SGCZ: variants seen among roughly 807,000 people sequenced by gnomAD.
The protein encoded by SGCZ is zeta-sarcoglycan.
A neutral mutation model predicts 41.3 loss-of-function variants in SGCZ; 40 were observed. That is an observed-to-expected ratio of 0.97 (90% CI 0.75 to 1.26). The LOEUF (loss-of-function observed/expected upper bound fraction) is 1.26, where lower values mean the gene tolerates loss of function less well. Among genes scored for constraint, SGCZ ranks in the 50% most tolerant of loss-of-function variants. The pLI is 0.00. For synonymous variants in SGCZ, 206 were observed against 137.5 expected (o/e 1.50, Z -3.49); for missense variants, 552 against 369.8 (o/e 1.49, Z -4.04).
At chr8:14,363,626 G>T (rs1225007089) in intron 2 of SGCZ, among the ~76,000 whole-genome samples, 1 of 151,916 alleles carries the variant, frequency 6.6e-6, no homozygotes, top group African/African-American at 2.4e-5. Context: ...TATAACAACT[G>T]GCTAAGAAAA....
chr8:14,591,833 G>T (rs1049944382), intron 1 of SGCZ, among the ~76,000 whole-genome samples: 2 of 152,068 alleles, frequency 1.3e-5, no homozygotes, highest in African/African-American at 4.8e-5. Context: ...TTCTGATAGT[G>T]CAATTTGCTT....
intron 2 of SGCZ, among the ~76,000 whole-genome samples, chr8:14,337,196 C>CA (rs774996328): frequency 2.0e-5 from 3 of 152,078 alleles, no homozygotes; most frequent in African/African-American, 7.2e-5. Context: ...AAGCCTTCCA[C>CA]AAAAAAGTCT....
chr8:14,318,667 T>C (rs1246918864), intron 3 of SGCZ, among the ~76,000 whole-genome samples: 1 of 151,884 alleles, frequency 6.6e-6, no homozygotes, highest in Non-Finnish European at 1.5e-5. Context: ...CCAGGTCTGG[T>C]TGGCACAAAT....
intron 2 of SGCZ, among the ~76,000 whole-genome samples, chr8:14,518,402 A>T (rs1013707169): frequency 3.3e-5 from 5 of 152,150 alleles, no homozygotes; most frequent in African/African-American, 1.2e-4. Flanking sequence ...TGGAATAAAT[A>T]TCGGCCTATT....
At chr8:14,411,712 A>G (rs7460217) in intron 2 of SGCZ, among the ~76,000 whole-genome samples, 1 of 151,860 alleles carries the variant, frequency 6.6e-6, no homozygotes, top group African/African-American at 2.4e-5. Flanking sequence ...AAATACTATT[A>G]TAATATTAGT....
chr8:14,105,351 C>A (rs114939009), intron 6 of SGCZ, among the ~76,000 whole-genome samples: 2,602 of 152,132 alleles, frequency 0.017, 81 homozygotes, highest in African/African-American at 0.059. Flanking sequence ...AAATGTATTT[C>A]TTTTCTAAAG....
At chr8:14,224,868 C>T (rs550097703) in intron 4 of SGCZ, among the ~76,000 whole-genome samples, 1 of 152,244 alleles carries the variant, frequency 6.6e-6, no homozygotes, top group South Asian at 2.1e-4. Context: ...TATACTGTGA[C>T]CCTACCAACG....
intron 1 of SGCZ, among the ~76,000 whole-genome samples, chr8:15,219,345 G>A (rs1029823189): frequency 6.6e-6 from 1 of 152,152 alleles, no homozygotes; most frequent in East Asian, 1.9e-4. Flanking sequence ...ACTGTGCTCA[G>A]TTAAAATACA....
chr8:14,394,643 A>G (rs1804914823), intron 2 of SGCZ, among the ~76,000 whole-genome samples: 1 of 152,156 alleles, frequency 6.6e-6, no homozygotes, highest in South Asian at 2.1e-4. Flanking sequence ...ATAGACAGTA[A>G]TCCGTGGGTG....
chr8:14,819,083 T>G (rs1471783283), intron 1 of SGCZ, among the ~76,000 whole-genome samples: 1 of 151,616 alleles, frequency 6.6e-6, no homozygotes, highest in Admixed American at 6.6e-5. Flanking sequence ...CAAAAGAACC[T>G]TCCAAGGCAC....
chr8:14,231,275 CAG>C (rs1563200153), intron 4 of SGCZ, among the ~76,000 whole-genome samples: 2 of 134,572 alleles, frequency 1.5e-5, no homozygotes, highest in South Asian at 2.4e-4. Flanking sequence ...GAGACAGAGA[CAG>C]AGAGAGAGAG....
intron 1 of SGCZ, among the ~76,000 whole-genome samples, chr8:15,217,243 C>T (rs112494671): frequency 0.043 from 6,553 of 151,598 alleles, 187 homozygotes; most frequent in Middle Eastern, 0.068. Context: ...CGGTGAAACC[C>T]CGTTTCTACT....
chr8:14,403,171 A>G (rs1473486613), intron 2 of SGCZ, among the ~76,000 whole-genome samples: 1 of 150,144 alleles, frequency 6.7e-6, no homozygotes, highest in African/African-American at 2.5e-5. Context: ...GTTGCTTATC[A>G]GCTTAAGGAG....
chr8:14,694,982 T>A (rs1808910548), intron 1 of SGCZ, among the ~76,000 whole-genome samples: 1 of 152,134 alleles, frequency 6.6e-6, no homozygotes, highest in South Asian at 2.1e-4. Context: ...AGGTGTCTTA[T>A]TATCCACATT....
At chr8:14,139,815 A>G (rs928359630) in intron 5 of SGCZ, among the ~76,000 whole-genome samples, 1 of 152,178 alleles carries the variant, frequency 6.6e-6, no homozygotes, top group Non-Finnish European at 1.5e-5. Flanking sequence ...AAAAGAGGGA[A>G]TCCTCCCTAA....
chr8:14,611,549 C>T (rs1289255818), intron 1 of SGCZ, among the ~76,000 whole-genome samples: 1 of 151,986 alleles, frequency 6.6e-6, no homozygotes, highest in Non-Finnish European at 1.5e-5. Flanking sequence ...AAGAGTCCTC[C>T]AGTAATTTAG....
At chr8:14,927,500 C>G (rs28605449) in intron 1 of SGCZ, among the ~76,000 whole-genome samples, 18,605 of 151,186 alleles carry the variant, frequency 0.12, 1,299 homozygotes, top group African/African-American at 0.19. Context: ...AGAGAATAAA[C>G]AAGGTAGAGA....
chr8:14,634,309 A>C (rs932992008), intron 1 of SGCZ, among the ~76,000 whole-genome samples: 6 of 151,834 alleles, frequency 4.0e-5, no homozygotes, highest in Non-Finnish European at 8.8e-5. Context: ...TAAAAATGCA[A>C]AATTTTTATC....
chr8:14,591,749 G>A (rs1177403448), intron 1 of SGCZ, among the ~76,000 whole-genome samples: 1 of 152,050 alleles, frequency 6.6e-6, no homozygotes, highest in Non-Finnish European at 1.5e-5. Flanking sequence ...AAATAAGCTA[G>A]AGAAAATAAA....
Sources: gnomAD v4.1 joint callset for allele counts (sites outside exome capture counted in the v4.1 genomes callset) on GRCh38, gnomAD v4.1.1 for gene constraint, MANE v1.5 for transcripts, NCBI Gene and HGNC (gene_info 2026-07-23, HGNC 2026-07-21) for gene names.